RPAP2: variants seen among roughly 807,000 people sequenced by gnomAD.
RPAP2 encodes putative RNA polymerase II subunit B1 CTD phosphatase RPAP2.
Under a neutral mutation model 73.1 loss-of-function variants are expected in RPAP2, and 52 were observed. The observed-to-expected ratio is 0.71, with a 90% confidence interval of 0.57 to 0.90. The LOEUF (loss-of-function observed/expected upper bound fraction) is 0.90. Among genes scored for constraint, RPAP2 ranks in the 40% least tolerant of loss-of-function variants. The pLI is 0.00. For synonymous variants in RPAP2, 225 were observed against 242.1 expected (o/e 0.93, Z 0.65); for missense variants, 598 against 701.8 (o/e 0.85, Z 1.67).
Position 92,399,876 on chromosome 1 carries a change from C to G in RPAP2, c.*12865C>G, listed in dbSNP as rs539412986. On this transcript the variant is annotated 3_prime_UTR_variant, in exon 13 of 13. Transcript: ENST00000610020. ...ACCTTCAAAGTCAACCAGAATGACT[C>G]TTAACCTCTCTTGTCTGGGTTGGGC... 1 of 152,308 alleles carries G rather than the reference C, an allele frequency of 6.6e-6. No homozygotes were observed. The highest frequency in any genetic ancestry group is 2.4e-5 in the African/African-American group (1 of 41,568). The allele number at this position is 152,308 out of a possible 1,614,324, so 9.4% of individuals were successfully genotyped here. A position where few individuals can be genotyped will look rare whatever the true frequency, so the allele number is the denominator to read the frequency against.
In RPAP2 at chr1:92,392,555, C is replaced by A. The variant is rs544531998; in HGVS notation, c.*5544C>A. The A allele has an allele frequency of 1.3e-5, 2 of 152,106 alleles. No homozygotes were observed. The highest frequency in any genetic ancestry group is 4.8e-5 in the African/African-American group (2 of 41,422). The allele number at this position is 152,106 out of a possible 1,614,324, so 9.4% of individuals were successfully genotyped here. On this transcript the variant is annotated 3_prime_UTR_variant, in exon 13 of 13. Transcript: ENST00000610020. ...GCCAGGGCAATCAGGCAAGAGAAAG[C>A]AATAAAGCATATTCAAATAGGAAGA...
chr1:92,383,300 G>T (rs1655726171), intron 12 of RPAP2, among the ~76,000 whole-genome samples: 1 of 152,144 alleles, frequency 6.6e-6, no homozygotes. Flanking sequence ...TTCCAATTCT[G>T]TGAAGAAAGT....
Position 92,381,806 on chromosome 1 carries a change from C to T in RPAP2, c.1838+933C>T, listed in dbSNP as rs375195015. 4.1e-4 allele frequency among the ~76,000 whole-genome samples: 62 copies of T among 151,780 alleles called. 1 individual carries two copies. The East Asian group carries it at 9.7e-3, about 24-fold the overall frequency. ...TTATTATACTTTAAGTTTTAGGGTA[C>T]ATGTGCACAATGTGCAGGTTTGCTA... is the stretch of plus-strand genomic sequence containing the variant. On this transcript the variant is annotated intron_variant, in intron 12 of 12. Transcript: ENST00000610020.
intron 8 of RPAP2, among the ~76,000 whole-genome samples, chr1:92,325,681 G>A (rs1437445965): frequency 6.6e-6 from 1 of 151,958 alleles, no homozygotes; most frequent in Non-Finnish European, 1.5e-5. Context: ...CACTACCCAA[G>A]CCAAGAAATA....
In RPAP2 at chr1:92,393,650, T is replaced by A. The variant is rs1415911589; in HGVS notation, c.*6639T>A. ...TACAAGAAAAAAGCAAACAACCCCA[T>A]CAAAAAATGGGCAAAGGATATGAAC... On this transcript the variant is annotated 3_prime_UTR_variant, in exon 13 of 13. Coordinates refer to ENST00000610020, the MANE Select transcript of RPAP2 (RefSeq NM_024813.3). 1.3e-5 allele frequency: 2 copies of A among 151,846 alleles called. No homozygotes were observed. Among genetic ancestry groups the A allele is most frequent in the African/African-American group, 4.8e-5 (2 of 41,334 alleles). The allele number at this position is 151,846 out of a possible 1,614,324, so 9.4% of individuals were successfully genotyped here. A position where few individuals can be genotyped will look rare whatever the true frequency, so the allele number is the denominator to read the frequency against.
chr1:92,300,165 T>C, intron 1 of RPAP2, 29 bp from the exon 2 acceptor site: 1 of 1,538,558 alleles, frequency 6.5e-7, no homozygotes, highest in Non-Finnish European at 8.9e-7. Flanking sequence ...AATGTCATTA[T>C]GTAGCACATG....
In RPAP2 at chr1:92,324,330, G is replaced by T; in HGVS notation, c.1410G>T (p.Arg470=). ...GGATCAGGGAGTTTTACAGAGGACG[G>T]TATGTTTTGGGTGAAGAAACCACCA... is the stretch of plus-strand genomic sequence containing the variant. The part of the protein sequence containing the change: ...NLRIREFYRG[R]YVLGEETTKS... Residue 470 remains arginine (R), a synonymous_variant, in exon 8 of 13, where the codon CGG becomes CGT. Coordinates refer to ENST00000610020, the MANE Select transcript of RPAP2 (RefSeq NM_024813.3). The T allele has an allele frequency of 6.2e-7, 1 of 1,613,978 alleles. No homozygotes were observed.
At chr1:92,376,373 A>G (rs1322135260) in intron 11 of RPAP2, among the ~76,000 whole-genome samples, 1 of 152,134 alleles carries the variant, frequency 6.6e-6, no homozygotes, top group African/African-American at 2.4e-5. Flanking sequence ...GTTAAAGATT[A>G]AAAGGGAAAT....
chr1:92,386,705 T>C (rs559517627), intron 12 of RPAP2, among the ~76,000 whole-genome samples: 1 of 152,270 alleles, frequency 6.6e-6, no homozygotes, highest in African/African-American at 2.4e-5. Context: ...TGTTTTGTTT[T>C]TTGGGTTTTT....
intron 5 of RPAP2, among the ~76,000 whole-genome samples, chr1:92,305,096 C>T (rs1335895413): frequency 6.6e-6 from 1 of 151,744 alleles, no homozygotes; most frequent in Non-Finnish European, 1.5e-5. Context: ...GATCATGCCA[C>T]TGCACTCCAG....
chr1:92,381,709 C>G (rs939094323), intron 12 of RPAP2, among the ~76,000 whole-genome samples: 1 of 151,298 alleles, frequency 6.6e-6, no homozygotes, highest in African/African-American at 2.4e-5. Context: ...ACCTCTGCCT[C>G]TAATCCTATC....
rs1286149552 is a variant in RPAP2 at position 92,387,803 on chromosome 1, T to G, written c.*792T>G. 2.0e-5 allele frequency: 3 copies of G among 152,194 alleles called. No individual in the cohort carries two copies. The highest frequency in any genetic ancestry group is 4.8e-5 in the African/African-American group (2 of 41,444). The allele number at this position is 152,194 out of a possible 1,614,324, so 9.4% of individuals were successfully genotyped here. On this transcript the variant is annotated 3_prime_UTR_variant, in exon 13 of 13. Coordinates refer to ENST00000610020, the MANE Select transcript of RPAP2 (RefSeq NM_024813.3). ...GGAGGTAGGGATATAATTTCTCTTCTTGGCTCCACCAGTAATTAGCTCTGT... is the reference window on the plus strand; with the variant it reads ...GGAGGTAGGGATATAATTTCTCTTCGTGGCTCCACCAGTAATTAGCTCTGT...
intron 11 of RPAP2, among the ~76,000 whole-genome samples, chr1:92,369,244 G>GAAGT (rs1473241673): frequency 1.3e-5 from 2 of 151,994 alleles, no homozygotes; most frequent in African/African-American, 4.8e-5. Context: ...TATTTACATA[G>GAAGT]AAGTTATTTG....
intron 6 of RPAP2, among the ~76,000 whole-genome samples, chr1:92,309,104 A>G (rs906008927): frequency 1.3e-5 from 2 of 151,874 alleles, no homozygotes; most frequent in African/African-American, 4.8e-5. Context: ...TTGAAATTCT[A>G]CCTTAGCTAT....
rs377748337 is a variant in RPAP2 at position 92,300,254 on chromosome 1, T to C, written c.119+15T>C. Reference sequence around the variant, plus strand: ...GCTTCTAAAAGGTATGACAGCTACATGGACAACTACATTGGCATATCTACT... The same window carrying C: ...GCTTCTAAAAGGTATGACAGCTACACGGACAACTACATTGGCATATCTACT... On this transcript the variant is annotated intron_variant, in intron 2 of 12. Transcript: ENST00000610020. 3.1e-6 allele frequency: 5 copies of C among 1,595,298 alleles called. No homozygotes were observed. The South Asian group carries it at 5.5e-5, about 18-fold the overall frequency.
intron 6 of RPAP2, among the ~76,000 whole-genome samples, chr1:92,309,536 C>T (rs1651453718): frequency 6.6e-6 from 1 of 150,900 alleles, no homozygotes; most frequent in African/African-American, 2.4e-5. Context: ...TGGCAGGCTA[C>T]ACACATACAC....
intron 11 of RPAP2, among the ~76,000 whole-genome samples, chr1:92,362,637 G>A (rs1168137867): frequency 6.6e-6 from 1 of 152,178 alleles, no homozygotes; most frequent in Non-Finnish European, 1.5e-5. Context: ...GCTCAAAACT[G>A]CTTGGTGAAC....
chr1:92,380,644 T>C lies in RPAP2; in HGVS notation c.1689-80T>C, dbSNP rs1655589341. 4.2e-6 allele frequency: 4 copies of C among 959,756 alleles called. No individual in the cohort carries two copies. The South Asian group carries it at 1.0e-4, about 24-fold the overall frequency. The allele number at this position is 959,756 out of a possible 1,614,324, so 59.5% of individuals were successfully genotyped here. On this transcript the variant is annotated intron_variant, in intron 11 of 12. Coordinates refer to ENST00000610020, the MANE Select transcript of RPAP2 (RefSeq NM_024813.3). ...GAGACTTTATTATTCTCATAAAATT[T>C]TCTCTGCCATGTTGAAGATAGGAGT...
chr1:92,390,949 A>G lies in RPAP2; in HGVS notation c.*3938A>G, dbSNP rs956029915. 6.6e-6 allele frequency: 1 copy of G among 152,174 alleles called. No individual in the cohort carries two copies. The highest frequency in any genetic ancestry group is 2.4e-5 in the African/African-American group (1 of 41,440). 9.4% of individuals were successfully genotyped at this position (152,174 alleles called of 1,614,324 possible). On this transcript the variant is annotated 3_prime_UTR_variant, in exon 13 of 13. Coordinates refer to ENST00000610020, the MANE Select transcript of RPAP2 (RefSeq NM_024813.3). The stretch of plus-strand genomic sequence containing the variant: ...CACAATATTAATGGGTGACTTTAAC[A>G]CCCCACTGTCAATATTAGACAGATC...
Sources: gnomAD v4.1 joint callset for allele counts (sites outside exome capture counted in the v4.1 genomes callset) on GRCh38, gnomAD v4.1.1 for gene constraint, MANE v1.5 for transcripts, NCBI Gene and HGNC (gene_info 2026-07-23, HGNC 2026-07-21) for gene names.